Variants in STK11 observed in about 807,000 individuals in gnomAD.
STK11 encodes the protein serine/threonine-protein kinase STK11.
In STK11, 8 loss-of-function variants were observed where a neutral mutation model predicts 47.3. The observed-to-expected ratio is 0.17, with a 90% CI of 0.10 to 0.31. STK11 has a LOEUF of 0.31. STK11 is among the 10% of genes least tolerant of loss of function. STK11 has a pLI of 1.00. For missense variants in STK11, 475 were observed against 605.0 expected, an observed-to-expected ratio of 0.79 and a Z score of 2.25; for synonymous variants, 330 against 255.8, an observed-to-expected ratio of 1.29 and a Z score of -2.77.
rs891528351 is a variant in STK11 at position 1,227,883 on chromosome 19, T to C, written c.*307T>C. 5.8e-5 allele frequency: 62 copies of C among 1,069,064 alleles called. 1 individual carries two copies. The highest frequency in any genetic ancestry group is 3.4e-4 in the East Asian group (7 of 20,620). 66.2% of individuals were successfully genotyped at this position (1,069,064 alleles called of 1,614,324 possible). A position where few individuals can be genotyped will look rare whatever the true frequency, so the allele number is the denominator to read the frequency against. On this transcript the variant is annotated 3_prime_UTR_variant, in exon 10 of 10. Coordinates refer to ENST00000326873, the MANE Select transcript of STK11 (RefSeq NM_000455.5). ...TCCATGCACTTTATGTGGAGACTAC[T>C]GGCCCCGCCCGTGGCCTCGTGCTCC... is the stretch of plus-strand genomic sequence containing the variant.
intron 2 of STK11, among the ~76,000 whole-genome samples, 178 bp from the exon 3 acceptor site, chr19:1,219,146 T>C (rs893287550): frequency 2.6e-5 from 4 of 151,954 alleles, no homozygotes; most frequent in Admixed American, 1.3e-4. Context: ...TCCTTCCTCC[T>C]GGGACGCTGG....
chr19:1,224,990 G>A, intron 8 of STK11: 1 of 985,624 alleles, frequency 1.0e-6, no homozygotes, highest in Non-Finnish European at 1.2e-6. Context: ...CGCTCTGCCG[G>A]GGCTGCTGCA....
intron 3 of STK11, among the ~76,000 whole-genome samples, 172 bp downstream of exon 3, chr19:1,219,585 G>A (rs1017484804): frequency 2.0e-5 from 3 of 151,578 alleles, no homozygotes; most frequent in Non-Finnish European, 2.9e-5. Context: ...TCACTCTGTC[G>A]CCCAGGCTGG....
chr19:1,227,902 G>T lies in STK11; in HGVS notation c.*326G>T. 1 of 1,069,968 alleles carries T rather than the reference G, an allele frequency of 9.3e-7. No homozygotes were observed. Among genetic ancestry groups the T allele is most frequent in the Non-Finnish European group, 1.1e-6 (1 of 882,124 alleles). 66.3% of individuals were successfully genotyped at this position (1,069,968 alleles called of 1,614,324 possible). ...GACTACTGGCCCCGCCCGTGGCCTC[G>T]TGCTCCGCAGGGCGCCCAGCGCCGT... On this transcript the variant is annotated 3_prime_UTR_variant, in exon 10 of 10. Coordinates refer to ENST00000326873, the MANE Select transcript of STK11 (RefSeq NM_000455.5).
At position 1,207,027 on chromosome 19, in the gene STK11, G is replaced by A. The variant is rs981179453; in HGVS notation, c.114G>A (p.Pro38=). The A allele has an allele frequency of 2.5e-6, 4 of 1,613,842 alleles. No homozygotes were observed. In the South Asian group the frequency reaches 4.4e-5, roughly 18 times the overall value. Residue 38 remains proline (P), a synonymous_variant, in exon 1 of 10, where the codon CCG becomes CCA. Transcript: ENST00000326873. ...ACTCCACCGAGGTCATCTACCAGCC[G>A]CGCCGCAAGCGGGCCAAGCTCATCG... is the stretch of plus-strand genomic sequence containing the variant. ...RIDSTEVIYQ[P]RRKRAKLIGK...
chr19:1,223,065 G>A lies in STK11; in HGVS notation c.1001G>A (p.Ser334Asn), dbSNP rs1342275430. ...CCAGACACCAAGGACCGGTGGCGCA[G>A]CATGACTGTGGTGCCGTACTTGGAG... ...PSPDTKDRWR[S>N]MTVVPYLEDL... Residue 334 changes from serine to asparagine, a missense_variant, in exon 8 of 10, where the codon AGC becomes AAC. Physicochemically the swap from Ser to Asn is conservative, Grantham distance 46. Coordinates refer to ENST00000326873, the MANE Select transcript of STK11 (RefSeq NM_000455.5). 1 of 1,606,782 alleles carries A rather than the reference G, an allele frequency of 6.2e-7. No homozygotes were observed. Among genetic ancestry groups the A allele is most frequent in the South Asian group, 1.1e-5 (1 of 89,796 alleles).
rs2080837507 is a variant in STK11 at position 1,227,833 on chromosome 19, C to T, written c.*257C>T. Reference sequence around the variant, plus strand: ...CAGCCCCGGGCGGAGCCTTCCCGGGCGGGCGTGGGAGGAGGGAGGCGGCCT... The same window carrying T: ...CAGCCCCGGGCGGAGCCTTCCCGGGTGGGCGTGGGAGGAGGGAGGCGGCCT... On this transcript the variant is annotated 3_prime_UTR_variant, in exon 10 of 10. Transcript: ENST00000326873. 2.8e-5 allele frequency: 30 copies of T among 1,071,138 alleles called. No individual in the cohort carries two copies. The Admixed American group carries it at 1.0e-3, about 36-fold the overall frequency. 66.4% of individuals were successfully genotyped at this position (1,071,138 alleles called of 1,614,324 possible).
chr19:1,213,350 T>C (rs1323098555), intron 1 of STK11, among the ~76,000 whole-genome samples: 1 of 152,008 alleles, frequency 6.6e-6, no homozygotes, highest in Non-Finnish European at 1.5e-5. Context: ...ATTGACAGAG[T>C]TGCACAACTA....
intron 3 of STK11, among the ~76,000 whole-genome samples, chr19:1,219,759 A>G (rs963474155): frequency 6.6e-6 from 1 of 152,052 alleles, no homozygotes; most frequent in African/African-American, 2.4e-5. Context: ...GTTAGCCAGG[A>G]TGGTCTCAAA....
chr19:1,206,278 C>T lies in STK11; in HGVS notation c.-636C>T, dbSNP rs981125953. The T allele has an allele frequency of 6.4e-5, 14 of 217,956 alleles. No individual in the cohort carries two copies. The highest frequency in any genetic ancestry group is 4.1e-4 in the Admixed American group (7 of 17,188). The allele number at this position is 217,956 out of a possible 1,614,324, so 13.5% of individuals were successfully genotyped here. ...GCGGCGGGAGGCCTCCCGGACGCCC[C>T]CAGCCCCCCGAACGCTCGCCCGGGC... On this transcript the variant is annotated 5_prime_UTR_variant, in exon 1 of 10. Transcript: ENST00000326873.
chr19:1,224,849 G>C (rs1352407679), intron 8 of STK11: 5 of 985,448 alleles, frequency 5.1e-6, no homozygotes, highest in Non-Finnish European at 6.0e-6. Context: ...TCAGGTGGAC[G>C]CCCCTCCCAC....
intron 5 of STK11, 132 bp downstream of exon 5, chr19:1,220,849 G>T: frequency 7.3e-7 from 1 of 1,368,374 alleles, no homozygotes. Context: ...AGCCGCTAGG[G>T]GGTGCTTACT....
chr19:1,217,309 C>T (rs996499629), intron 1 of STK11, among the ~76,000 whole-genome samples: 4 of 152,150 alleles, frequency 2.6e-5, no homozygotes, highest in African/African-American at 7.2e-5. Flanking sequence ...AAGTGATCCT[C>T]CCACCTGAGC....
In STK11 at chr19:1,209,694, C is replaced by G. The variant is rs1195233429; in HGVS notation, c.290+2491C>G. On this transcript the variant is annotated intron_variant, in intron 1 of 9. Coordinates refer to ENST00000326873, the MANE Select transcript of STK11 (RefSeq NM_000455.5). ...AAGACAGACGCTGGAGGGTGGAAGC[C>G]TGACTGTGAGAGTGAGCCCCCTGCT... Among the ~76,000 whole-genome samples the G allele has an allele frequency of 3.3e-5, 5 of 152,196 alleles. No homozygotes were observed. The East Asian group carries it at 7.7e-4, about 24-fold the overall frequency.
At position 1,219,316 on chromosome 19, in the gene STK11, C is replaced by T. The variant is rs528370544; in HGVS notation, c.375-8C>T. The T allele has an allele frequency of 5.7e-6, 9 of 1,577,206 alleles. No homozygotes were observed. The highest frequency in any genetic ancestry group is 3.5e-5 in the South Asian group (3 of 85,798). On this transcript the variant is annotated splice_region_variant and splice_polypyrimidine_tract_variant and intron_variant, in intron 2 of 9. Transcript: ENST00000326873. Reference sequence around the variant, plus strand: ...CGCCCCCTGAGCTGTGTGTCCTTAGCGCCCCACGTATATGGTGATGGAGTA... The same window carrying T: ...CGCCCCCTGAGCTGTGTGTCCTTAGTGCCCCACGTATATGGTGATGGAGTA...
chr19:1,207,995 C>T (rs1047978930), intron 1 of STK11, among the ~76,000 whole-genome samples: 6 of 152,228 alleles, frequency 3.9e-5, no homozygotes, highest in Non-Finnish European at 8.8e-5. Context: ...CGGGGGTGTC[C>T]CTGCCTTATC....
chr19:1,206,354 G>C lies in STK11; in HGVS notation c.-560G>C. ...GGTCCGCTCGGTCGTCCGCGGCGGAGCGTTTGCTCCTGGGACAGGCGGTGG... is the reference window on the plus strand; with the variant it reads ...GGTCCGCTCGGTCGTCCGCGGCGGACCGTTTGCTCCTGGGACAGGCGGTGG... On this transcript the variant is annotated 5_prime_UTR_variant, in exon 1 of 10. Coordinates refer to ENST00000326873, the MANE Select transcript of STK11 (RefSeq NM_000455.5). 4.3e-6 allele frequency: 1 copy of C among 231,510 alleles called. No individual in the cohort carries two copies. Among genetic ancestry groups the C allele is most frequent in the Non-Finnish European group, 8.6e-6 (1 of 116,932 alleles). The allele number at this position is 231,510 out of a possible 1,614,324, so 14.3% of individuals were successfully genotyped here.
chr19:1,226,920 C>T (rs1017759607), intron 9 of STK11: 15 of 493,010 alleles, frequency 3.0e-5, no homozygotes, highest in Admixed American at 8.1e-5. Context: ...GTCCTCACAG[C>T]CACCTCTCAG....
chr19:1,220,750 A>T (rs2145425694), intron 5 of STK11, 33 bp downstream of exon 5: 7 of 1,588,788 alleles, frequency 4.4e-6, no homozygotes, highest in Non-Finnish European at 6.0e-6. Context: ...CACTCACCAC[A>T]CGCACACTCC....
Sources: gnomAD v4.1 joint callset for allele counts (sites outside exome capture counted in the v4.1 genomes callset) on GRCh38, gnomAD v4.1.1 for gene constraint, MANE v1.5 for transcripts, NCBI Gene and HGNC (gene_info 2026-07-23, HGNC 2026-07-21) for gene names.